Variants in SUN5 observed in about 807,000 individuals in gnomAD.
SUN5 encodes Sad1 and UNC84 domain containing 5, also known as SUN domain-containing protein 5.
In SUN5, 44 loss-of-function variants were observed where a neutral mutation model predicts 53.7. The observed-to-expected ratio is 0.82, with a 90% CI of 0.64 to 1.05. The LOEUF (loss-of-function observed/expected upper bound fraction) is 1.05, where lower values mean the gene tolerates loss of function less well. Ranked by LOEUF, SUN5 falls within the 50% of genes least tolerant of loss-of-function variation. The pLI is 0.00. For synonymous variants in SUN5, 166 were observed against 179.8 expected (o/e 0.92, Z 0.62); for missense variants, 433 against 483.8 (o/e 0.90, Z 0.98).
At chr20:32,989,050 C>G (rs1409403906) in intron 9 of SUN5, among the ~76,000 whole-genome samples, 1 of 152,126 alleles carries the variant, frequency 6.6e-6, no homozygotes, top group Non-Finnish European at 1.5e-5. Flanking sequence ...CTCAGCCTCC[C>G]GAGTAGCTGG....
intron 11 of SUN5, 80 bp downstream of exon 11, chr20:32,985,656 T>G: frequency 6.5e-7 from 1 of 1,534,540 alleles, no homozygotes. Context: ...GTGCAGACAC[T>G]GTTTACCCCA....
rs1989888339 is a variant in SUN5 at position 32,997,649 on chromosome 20, T to C, written c.379A>G (p.Lys127Glu). 6.2e-7 allele frequency: 1 copy of C among 1,613,970 alleles called. No homozygotes were observed. The highest frequency in any genetic ancestry group is 1.7e-5 in the Admixed American group (1 of 59,998). Residue 127 changes from lysine (K) to glutamate (E), a missense_variant, in exon 6 of 13, where the codon AAA (lysine) becomes GAA (glutamate). Coordinates refer to ENST00000356173, the MANE Select transcript of SUN5 (RefSeq NM_080675.4). ...GGGTGCACACTCACCTGCCAGACTT[T>C]CATTTTCGATGGTAAGTGAATAGAA... The part of the protein sequence containing the change: ...MFSIHLPSKM[K>E]VWQDDSINGP...
intron 8 of SUN5, among the ~76,000 whole-genome samples, chr20:32,992,210 T>C (rs918843008): frequency 1.3e-5 from 2 of 152,164 alleles, no homozygotes; most frequent in Non-Finnish European, 2.9e-5. Context: ...GCCAGTAGCG[T>C]CTCCTCCTCA....
intron 5 of SUN5, chr20:32,999,743 T>G: frequency 8.3e-6 from 5 of 602,720 alleles, no homozygotes; most frequent in Non-Finnish European, 1.4e-5. Context: ...TATATGTCAG[T>G]GGAGGGAGGA....
intron 11 of SUN5, among the ~76,000 whole-genome samples, chr20:32,985,438 T>A (rs112068302): frequency 2.2e-3 from 331 of 152,200 alleles, no homozygotes; most frequent in African/African-American, 7.7e-3. Flanking sequence ...CTGGACCTTA[T>A]TTCACCGAGA....
At chr20:32,986,051 C>T in intron 10 of SUN5, 148 bp from the exon 11 acceptor site, 2 of 829,516 alleles carry the variant, frequency 2.4e-6, no homozygotes, top group Non-Finnish European at 3.7e-6. Context: ...CTCCAGGAAG[C>T]TCTCCTGACT....
At position 33,004,388 on chromosome 20, in the gene SUN5, T is replaced by C. The variant is rs1990132301; in HGVS notation, c.-48A>G. ...GGATGGAGATGGGAACTCTGGGAGCTGGTGAGGAGGAAGGGGCTGATGCCT... is the reference window on the plus strand; with the variant it reads ...GGATGGAGATGGGAACTCTGGGAGCCGGTGAGGAGGAAGGGGCTGATGCCT... On this transcript the variant is annotated 5_prime_UTR_variant, in exon 1 of 13. Transcript: ENST00000356173. 2.6e-6 allele frequency: 4 copies of C among 1,516,504 alleles called. 1 individual carries two copies. Among genetic ancestry groups the C allele is most frequent in the Non-Finnish European group, 3.5e-6 (4 of 1,129,876 alleles). 93.9% of individuals were successfully genotyped at this position (1,516,504 alleles called of 1,614,324 possible). A position where few individuals can be genotyped will look rare whatever the true frequency, so the allele number is the denominator to read the frequency against.
At chr20:33,001,665 C>CCCTCCCTCCCTT (rs1555876550) in intron 3 of SUN5, among the ~76,000 whole-genome samples, 8 of 109,408 alleles carry the variant, frequency 7.3e-5, no homozygotes, top group Non-Finnish European at 1.4e-4. Flanking sequence ...CTCCCTCCCT[C>CCCTCCCTCCCTT]CCTTCCTTCC....
At chr20:33,003,806 G>A (rs1990116648) in intron 1 of SUN5, among the ~76,000 whole-genome samples, 1 of 152,178 alleles carries the variant, frequency 6.6e-6, no homozygotes, top group Non-Finnish European at 1.5e-5. Flanking sequence ...CACCCTTGGG[G>A]ATTGTTTGGT....
In SUN5 at chr20:32,997,626, G is replaced by T. The variant is rs41312288; in HGVS notation, c.390+12C>A. ...CTGTCAGCTGTGGGGCCTGAGGAGG[G>T]TGCACACTCACCTGCCAGACTTTCA... On this transcript the variant is annotated intron_variant, in intron 6 of 12. Transcript: ENST00000356173. 0.14 allele frequency: 233,301 copies of T among 1,613,102 alleles called. 17,739 individuals carry two copies. The highest frequency in any genetic ancestry group is 0.22 in the African/African-American group (16,168 of 74,888).
At chr20:32,997,102 C>T (rs892206377) in intron 6 of SUN5, among the ~76,000 whole-genome samples, 1 of 152,124 alleles carries the variant, frequency 6.6e-6, no homozygotes, top group Non-Finnish European at 1.5e-5. Context: ...GATATTTTAG[C>T]CGGACCTTGA....
At chr20:33,003,639 G>A (rs1037669098) in intron 1 of SUN5, among the ~76,000 whole-genome samples, 4 of 152,098 alleles carry the variant, frequency 2.6e-5, no homozygotes, top group African/African-American at 9.7e-5. Context: ...CCACCTCAGA[G>A]TATTTATATT....
chr20:32,993,864 C>T (rs991882150), intron 8 of SUN5, among the ~76,000 whole-genome samples: 89 of 152,298 alleles, frequency 5.8e-4, no homozygotes, highest in African/African-American at 2.1e-3. Context: ...GCACGTGGGC[C>T]GTGGGCCGTA....
chr20:33,003,507 G>GAACCT (rs1990110007), intron 1 of SUN5, among the ~76,000 whole-genome samples: 2 of 152,126 alleles, frequency 1.3e-5, no homozygotes, highest in Admixed American at 6.5e-5. Context: ...TGGGTCTTGG[G>GAACCT]TGGCAGAACT....
rs750687567 is a variant in SUN5 at position 32,989,678 on chromosome 20, T to C, written c.555A>G (p.Ile185Met). The change falls in exon 9 of 13, where the codon ATA becomes ATG. Residue 185 changes from isoleucine to methionine, a missense_variant. Ile to Met is a conservative substitution (Grantham distance 10). Coordinates refer to ENST00000356173, the MANE Select transcript of SUN5 (RefSeq NM_080675.4). ...TGTAATCTCCGTGTATCATCTTCAT[T>C]ATTTTCTGGGCCATTTTTTGCTGAA... ...MSDEQKMAQK[I>M]MKMIHGDYIE... 3.1e-6 allele frequency: 5 copies of C among 1,614,038 alleles called. No homozygotes were observed. In the South Asian group the frequency reaches 5.5e-5, roughly 18 times the overall value.
chr20:32,984,958 T>C (rs1989494613), intron 12 of SUN5, 141 bp downstream of exon 12: 2 of 837,858 alleles, frequency 2.4e-6, no homozygotes, highest in Non-Finnish European at 3.7e-6. Flanking sequence ...TCTCTGAGCC[T>C]CAGTTTCCTT....
rs777727864 is a variant in SUN5, at chr20:32,983,895, C to T, written c.1039G>A (p.Gly347Arg). The T allele has an allele frequency of 6.3e-7, 1 of 1,599,404 alleles. No homozygotes were observed. The highest frequency in any genetic ancestry group is 1.1e-5 in the South Asian group (1 of 87,322). ...TACAGGCAAGTGAAGCCTGGGTTCC[C>T]CCAGTTGCTTGAGATCTTCACCTTG... is the stretch of plus-strand genomic sequence containing the variant. ...AVKVKISSNW[G>R]NPGFTCLYRV... Residue 347 changes from glycine (G) to arginine (R), a missense_variant, in exon 13 of 13, where the codon GGG (glycine) becomes AGG (arginine). By Grantham distance (125) the Gly-to-Arg change is moderately radical. Transcript: ENST00000356173.
chr20:33,001,519 C>CTTCTTTCTTTCTTTCTTCT lies in SUN5; in HGVS notation c.212-242_212-241insAGAAGAAAGAAAGAAAGAA, dbSNP rs1555876491. Among the ~76,000 whole-genome samples, 22 of 121,396 alleles carry CTTCTTTCTTTCTTTCTTCT rather than the reference C, an allele frequency of 1.8e-4. No individual in the cohort carries two copies. The East Asian group carries it at 3.9e-3, about 21-fold the overall frequency. The allele number at this position is 121,396 out of a possible 152,430, so 79.6% of individuals were successfully genotyped here. ...CAGTTAACAGACATTTTCTTTCTTT[C>CTTCTTTCTTTCTTTCTTCT]TTCTTTCTTTCTTTCTTTCTTTCTT... On this transcript the variant is annotated intron_variant, in intron 3 of 12. Transcript: ENST00000356173.
intron 11 of SUN5, 39 bp downstream of exon 11, chr20:32,985,697 C>A: frequency 6.2e-7 from 1 of 1,605,344 alleles, no homozygotes; most frequent in Non-Finnish European, 8.5e-7. Context: ...GAAGGTTGTC[C>A]CTTTAGCTAA....
Sources: gnomAD v4.1 joint callset for allele counts (sites outside exome capture counted in the v4.1 genomes callset) on GRCh38, gnomAD v4.1.1 for gene constraint, MANE v1.5 for transcripts, NCBI Gene and HGNC (gene_info 2026-07-23, HGNC 2026-07-21) for gene names.